Variants in ANGPT2 observed in about 807,000 individuals in gnomAD.
The protein encoded by ANGPT2 is angiopoietin 2, also known as angiopoietin-2.
Under a neutral mutation model 62.9 loss-of-function variants are expected in ANGPT2, and 28 were observed. The ratio of observed to expected loss-of-function variants is 0.44; its 90% CI spans 0.33 to 0.61. ANGPT2 has a LOEUF of 0.61. Ranked by LOEUF, ANGPT2 falls within the 20% of genes least tolerant of loss-of-function variation. The pLI, the probability that ANGPT2 is intolerant of heterozygous loss-of-function variation, is 0.03. For missense variants in ANGPT2, 727 were observed against 594.9 expected (o/e 1.22, Z -2.31); for synonymous variants, 284 against 207.8 (o/e 1.37, Z -3.15).
intron 8 of ANGPT2, 103 bp from the exon 9 acceptor site, chr8:6,503,364 T>G: frequency 8.3e-7 from 1 of 1,204,114 alleles, no homozygotes; most frequent in Non-Finnish European, 1.2e-6. Flanking sequence ...TGCAGGCGTG[T>G]GGAGTAGGCA....
At chr8:6,555,835 A>G (rs1241094946) in intron 1 of ANGPT2, among the ~76,000 whole-genome samples, 1 of 152,254 alleles carries the variant, frequency 6.6e-6, no homozygotes, top group African/African-American at 2.4e-5. Flanking sequence ...CAATTCTATT[A>G]CAAGGTGGAA....
intron 8 of ANGPT2, among the ~76,000 whole-genome samples, chr8:6,504,246 A>C (rs1173151369): frequency 7.6e-6 from 1 of 132,396 alleles, no homozygotes; most frequent in East Asian, 2.5e-4. Flanking sequence ...TGAACCCGGG[A>C]GGCGGAGCTT....
Position 6,536,104 on chromosome 8 carries a change from A to G in ANGPT2, c.289-3617T>C, listed in dbSNP as rs969606395. On this transcript the variant is annotated intron_variant, in intron 1 of 8. Transcript: ENST00000629816. The stretch of plus-strand genomic sequence containing the variant: ...TAAAAGTAAAAATACTTATGTTCTT[A>G]CTCTTGAAGTCATTAAATTAAGGTT... Among the ~76,000 whole-genome samples, 6 of 152,222 alleles carry G rather than the reference A, an allele frequency of 3.9e-5. No homozygotes were observed. The South Asian group carries it at 1.0e-3, about 26-fold the overall frequency.
intron 5 of ANGPT2, among the ~76,000 whole-genome samples, chr8:6,517,336 T>C (rs1816457397): frequency 2.0e-5 from 3 of 152,216 alleles, no homozygotes; most frequent in Admixed American, 1.3e-4. Context: ...GAGGCAATGA[T>C]TAAGTGACGG....
chr8:6,503,596 G>A (rs1812636599), intron 8 of ANGPT2, among the ~76,000 whole-genome samples: 1 of 152,210 alleles, frequency 6.6e-6, no homozygotes, highest in African/African-American at 2.4e-5. Flanking sequence ...CTGAGGCACA[G>A]TTGGAAAACT....
intron 7 of ANGPT2, 84 bp downstream of exon 7, chr8:6,513,594 A>C: frequency 2.6e-6 from 3 of 1,172,158 alleles, no homozygotes; most frequent in South Asian, 3.3e-5. Context: ...CGGCCTCCCA[A>C]AGTGCTGGGA....
chr8:6,505,363 ATATAGAATATATATATT>A (rs1368026852), intron 8 of ANGPT2, among the ~76,000 whole-genome samples: 29 of 78,434 alleles, frequency 3.7e-4, no homozygotes, highest in African/African-American at 1.6e-3. Context: ...TTCTATATGT[ATATAGAATATATATATT>A]CTTTCTATAT....
chr8:6,528,820 G>C (rs1338137590), intron 2 of ANGPT2, among the ~76,000 whole-genome samples: 1 of 152,334 alleles, frequency 6.6e-6, no homozygotes, highest in Non-Finnish European at 1.5e-5. Context: ...CAGGAGCCTT[G>C]GCTGGTCCAC....
In ANGPT2 at chr8:6,501,048, G is replaced by C. The variant is rs1812077435; in HGVS notation, c.*2053C>G. ...CAGTTGTTTTTCAACTTGATACAAG[G>C]CCATGATACCGTTGTTGAATTCATA... On this transcript the variant is annotated 3_prime_UTR_variant, in exon 9 of 9. Transcript: ENST00000629816. 2 of 152,174 alleles carry C rather than the reference G, an allele frequency of 1.3e-5. No individual in the cohort carries two copies. The highest frequency in any genetic ancestry group is 4.1e-4 in the South Asian group (2 of 4,832). 9.4% of individuals were successfully genotyped at this position (152,174 alleles called of 1,614,324 possible). A position where few individuals can be genotyped will look rare whatever the true frequency, so the allele number is the denominator to read the frequency against.
At chr8:6,523,376 T>C (rs1314887245) in intron 3 of ANGPT2, among the ~76,000 whole-genome samples, 1 of 152,218 alleles carries the variant, frequency 6.6e-6, no homozygotes, top group African/African-American at 2.4e-5. Context: ...AATGGTTATA[T>C]AGTTTGCCTT....
At chr8:6,560,476 T>A (rs923733209) in intron 1 of ANGPT2, among the ~76,000 whole-genome samples, 1 of 152,206 alleles carries the variant, frequency 6.6e-6, no homozygotes, top group Non-Finnish European at 1.5e-5. Context: ...GTGGGTTTCA[T>A]CTTTGCTTTT....
intron 7 of ANGPT2, among the ~76,000 whole-genome samples, chr8:6,512,891 C>T: frequency 6.6e-6 from 1 of 152,222 alleles, no homozygotes; most frequent in East Asian, 1.9e-4. Flanking sequence ...AACCATCCCA[C>T]CTAACTCTGC....
intron 1 of ANGPT2, among the ~76,000 whole-genome samples, chr8:6,541,180 A>C (rs1301963809): frequency 1.3e-5 from 2 of 152,190 alleles, no homozygotes; most frequent in Non-Finnish European, 2.9e-5. Context: ...TCCGAGCAGC[A>C]CAAGAGGGTG....
chr8:6,519,737 A>G (rs1352107454), intron 5 of ANGPT2, 127 bp downstream of exon 5: 4 of 1,185,260 alleles, frequency 3.4e-6, no homozygotes, highest in Non-Finnish European at 4.6e-6. Context: ...CTGCCCAGTA[A>G]CTATGGCTTT....
At chr8:6,518,911 G>GT (rs748851018) in intron 5 of ANGPT2, among the ~76,000 whole-genome samples, 49 of 147,576 alleles carry the variant, frequency 3.3e-4, no homozygotes, top group East Asian at 2.0e-3. Flanking sequence ...CTCCGGAAGG[G>GT]TTTTTTTTTT....
intron 1 of ANGPT2, among the ~76,000 whole-genome samples, chr8:6,559,071 G>A (rs189832480): frequency 1.2e-4 from 18 of 152,206 alleles, no homozygotes; most frequent in African/African-American, 2.4e-4. Flanking sequence ...TGTAGCCAGC[G>A]GATACAGTAA....
At chr8:6,507,153 C>T (rs1411425725) in intron 8 of ANGPT2, among the ~76,000 whole-genome samples, 1 of 152,198 alleles carries the variant, frequency 6.6e-6, no homozygotes, top group Non-Finnish European at 1.5e-5. Flanking sequence ...CCACCTTGGC[C>T]TCCCAAAGTG....
At chr8:6,525,661 C>G (rs1247907112) in intron 3 of ANGPT2, among the ~76,000 whole-genome samples, 2 of 150,616 alleles carry the variant, frequency 1.3e-5, no homozygotes, top group African/African-American at 2.5e-5. Flanking sequence ...AAATCATAGG[C>G]CAGTCAGAAT....
chr8:6,534,780 G>A (rs1820200285), intron 1 of ANGPT2, among the ~76,000 whole-genome samples: 1 of 152,198 alleles, frequency 6.6e-6, no homozygotes, highest in Non-Finnish European at 1.5e-5. Flanking sequence ...TTTTTAGTGT[G>A]TGTGATCTTT....
Sources: allele counts gnomAD v4.1 joint callset (sites outside exome capture counted in the v4.1 genomes callset), GRCh38; gene constraint gnomAD v4.1.1; transcripts MANE v1.5; gene names NCBI Gene and HGNC (gene_info 2026-07-23, HGNC 2026-07-21).